RANBP9: variants seen among roughly 807,000 people sequenced by gnomAD.
The protein encoded by RANBP9 is ran-binding protein 9.
A neutral mutation model predicts 84.3 loss-of-function variants in RANBP9; 15 were observed. That is an observed-to-expected ratio of 0.18 (90% CI 0.12 to 0.27). The LOEUF (loss-of-function observed/expected upper bound fraction) is 0.27, where lower values mean the gene tolerates loss of function less well. RANBP9 is among the 10% of genes least tolerant of loss of function. The probability of loss-of-function intolerance (pLI) is 1.00; values close to 1 mark genes in which losing one functional copy is unlikely to be tolerated. For missense variants in RANBP9, 809 were observed against 912.8 expected (o/e 0.89, Z 1.46); for synonymous variants, 392 against 349.6 (o/e 1.12, Z -1.35).
At chr6:13,632,682 C>T in intron 11 of RANBP9, 161 bp from the exon 12 acceptor site, 1 of 680,018 alleles carries the variant, frequency 1.5e-6, no homozygotes, top group Non-Finnish European at 2.4e-6. Context: ...TATGAAACTG[C>T]AGCTAAAAGA....
chr6:13,694,674 T>C (rs1766400639), intron 2 of RANBP9, among the ~76,000 whole-genome samples: 1 of 152,206 alleles, frequency 6.6e-6, no homozygotes, highest in African/African-American at 2.4e-5. Flanking sequence ...AATTTGTAAG[T>C]TTTAAACTGC....
intron 2 of RANBP9, among the ~76,000 whole-genome samples, chr6:13,669,465 A>G (rs1036158589): frequency 6.6e-6 from 1 of 152,226 alleles, no homozygotes; most frequent in African/African-American, 2.4e-5. Context: ...ACACATTCCA[A>G]TTTTAAAACT....
rs554022916 is a variant in RANBP9, at chr6:13,670,185, C to T, written c.684-11353G>A. On this transcript the variant is annotated intron_variant, in intron 2 of 13. Transcript: ENST00000011619. ...GCACATGCCTGTAGTCCCAGCTTCT[C>T]GGGAGGCTGAGGCATTAGAATTGCT... is the stretch of plus-strand genomic sequence containing the variant. Among the ~76,000 whole-genome samples the T allele has an allele frequency of 6.6e-5, 10 of 151,898 alleles. No homozygotes were observed. The South Asian group carries it at 8.4e-4, about 13-fold the overall frequency.
At chr6:13,664,844 T>TA (rs1200387007) in intron 2 of RANBP9, among the ~76,000 whole-genome samples, 1 of 152,188 alleles carries the variant, frequency 6.6e-6, no homozygotes, top group African/African-American at 2.4e-5. Flanking sequence ...CTGTAGAAGT[T>TA]ACACAATCTG....
intron 4 of RANBP9, among the ~76,000 whole-genome samples, chr6:13,656,412 AC>A (rs1469594488): frequency 1.3e-5 from 2 of 151,386 alleles, no homozygotes; most frequent in African/African-American, 4.8e-5. Context: ...AAAAAAAAAA[AC>A]TTCTAAGAAA....
chr6:13,680,065 A>G (rs1765994195), intron 2 of RANBP9, among the ~76,000 whole-genome samples: 1 of 152,190 alleles, frequency 6.6e-6, no homozygotes, highest in South Asian at 2.1e-4. Flanking sequence ...AATTTTTAAA[A>G]TAACGAAGTT....
chr6:13,710,908 T>C, intron 1 of RANBP9, 27 bp downstream of exon 1: 1 of 1,575,140 alleles, frequency 6.3e-7, no homozygotes, highest in Non-Finnish European at 8.6e-7. Flanking sequence ...AGTGCCCCAC[T>C]CCCACCGCAG....
intron 2 of RANBP9, among the ~76,000 whole-genome samples, chr6:13,673,982 C>T (rs577946279): frequency 6.6e-6 from 1 of 151,550 alleles, no homozygotes; most frequent in Non-Finnish European, 1.5e-5. Context: ...CACTTGGGAA[C>T]CTGAAGTGGG....
intron 2 of RANBP9, among the ~76,000 whole-genome samples, chr6:13,687,843 C>T (rs1219113319): frequency 6.6e-6 from 1 of 152,144 alleles, no homozygotes; most frequent in Admixed American, 6.5e-5. Context: ...CCATATAATT[C>T]CCTTGCTTAA....
At chr6:13,677,233 A>G (rs897527534) in intron 2 of RANBP9, among the ~76,000 whole-genome samples, 1 of 152,168 alleles carries the variant, frequency 6.6e-6, no homozygotes, top group Non-Finnish European at 1.5e-5. Context: ...AATTTTAAAC[A>G]CACAATACCA....
chr6:13,660,024 C>T (rs756862187), intron 2 of RANBP9, among the ~76,000 whole-genome samples: 31 of 152,264 alleles, frequency 2.0e-4, no homozygotes, highest in Non-Finnish European at 3.8e-4. Context: ...ATTATTTAGG[C>T]ATTCTGGCAA....
chr6:13,635,884 T>G (rs1255152265), intron 10 of RANBP9, among the ~76,000 whole-genome samples: 1 of 152,026 alleles, frequency 6.6e-6, no homozygotes, highest in African/African-American at 2.4e-5. Context: ...TAAGAGCCTC[T>G]GAGGTATGAT....
intron 1 of RANBP9, among the ~76,000 whole-genome samples, chr6:13,701,684 G>C (rs1238754656): frequency 6.6e-6 from 1 of 151,708 alleles, no homozygotes; most frequent in African/African-American, 2.4e-5. Context: ...GCGGAAGAAT[G>C]GCTTGAACCC....
chr6:13,644,737 A>G lies in RANBP9; in HGVS notation c.928-8T>C, dbSNP rs556457264. 4.6e-5 allele frequency: 72 copies of G among 1,572,568 alleles called. No individual in the cohort carries two copies. The South Asian group carries it at 8.2e-4, about 18-fold the overall frequency. On this transcript the variant is annotated splice_polypyrimidine_tract_variant and splice_region_variant and intron_variant, in intron 5 of 13. Coordinates refer to ENST00000011619, the MANE Select transcript of RANBP9 (RefSeq NM_005493.3). ...AGTAGGATACAAATTTGGCTGTAAG[A>G]TAGCATATTTCATTAAACATCTATC...
chr6:13,639,612 C>A lies in RANBP9; in HGVS notation c.1476G>T (p.Met492Ile). 1 of 1,612,794 alleles carries A rather than the reference C, an allele frequency of 6.2e-7. No individual in the cohort carries two copies. The highest frequency in any genetic ancestry group is 8.5e-7 in the Non-Finnish European group (1 of 1,178,788). ...SSPSMSPSHG[M>I]NIHNLASGKG... The stretch of plus-strand genomic sequence containing the variant: ...TGCCTGATGCTAAATTGTGGATATT[C>A]ATTCCATGGCTGGGGCTCATACTTG... The change falls in exon 9 of 14, where the codon ATG (methionine) becomes ATT (isoleucine). Residue 492 changes from methionine to isoleucine, a missense_variant. Around this residue, in one of 5 missense-constraint regions of RANBP9, gnomAD observed 216 missense variants for 329.0 expected, o/e 0.66. Transcript: ENST00000011619.
intron 2 of RANBP9, among the ~76,000 whole-genome samples, chr6:13,676,305 T>C (rs906961025): frequency 1.8e-4 from 28 of 152,010 alleles, no homozygotes; most frequent in African/African-American, 6.3e-4. Context: ...AAAATAATAG[T>C]AACAATTAAT....
chr6:13,681,699 A>G (rs1766042317), intron 2 of RANBP9, among the ~76,000 whole-genome samples: 1 of 152,198 alleles, frequency 6.6e-6, no homozygotes, highest in South Asian at 2.1e-4. Flanking sequence ...CTTACAGCCA[A>G]CTAGTGTCAT....
At position 13,644,625 on chromosome 6, in the gene RANBP9, C is replaced by T; in HGVS notation, c.1032G>A (p.Glu344=). 5 of 1,613,720 alleles carry T rather than the reference C, an allele frequency of 3.1e-6. No homozygotes were observed. Among genetic ancestry groups the T allele is most frequent in the South Asian group, 2.2e-5 (2 of 91,030 alleles). ...FVFDIEDYMR[E]WRTKIQAQID... ...TCTGTGCCTGGATTTTGGTTCTCCA[C>T]TCCCGCATATAGTCTTCTATATCAA... Residue 344 remains glutamate, a synonymous_variant, in exon 6 of 14, where the codon GAG becomes GAA. Transcript: ENST00000011619.
chr6:13,642,402 A>G (rs1765088715), intron 7 of RANBP9, 77 bp downstream of exon 7: 1 of 776,442 alleles, frequency 1.3e-6, no homozygotes, highest in Admixed American at 3.8e-5. Flanking sequence ...AATTAAAAAA[A>G]CAAAATTTCT....
Sources: allele counts gnomAD v4.1 joint callset (sites outside exome capture counted in the v4.1 genomes callset), GRCh38; gene constraint gnomAD v4.1.1; regional missense constraint gnomAD v4.1.1; transcripts MANE v1.5; gene names NCBI Gene and HGNC (gene_info 2026-07-23, HGNC 2026-07-21).